The following ABR variants were observed in gnomAD, a reference collection of about 807,000 sequenced individuals.
The protein encoded by ABR is ABR activator of RhoGEF and GTPase.
ABR carries 35 observed loss-of-function variants against 107.2 expected under a neutral mutation model. The observed-to-expected ratio is 0.33, with a 90% CI of 0.25 to 0.43. The LOEUF (loss-of-function observed/expected upper bound fraction) is 0.43, where lower values mean the gene tolerates loss of function less well. Ranked by LOEUF, ABR falls within the 20% of genes least tolerant of loss-of-function variation. The pLI, the probability that ABR is intolerant of heterozygous loss-of-function variation, is 1.00. For missense variants in ABR, 815 were observed against 1,115.2 expected (o/e 0.73, Z 3.83); for synonymous variants, 498 against 462.0 (o/e 1.08, Z -1.00).
intron 6 of ABR, among the ~76,000 whole-genome samples, chr17:1,075,057 G>A (rs1181755268): frequency 2.6e-5 from 4 of 152,250 alleles, no homozygotes; most frequent in Admixed American, 2.6e-4. Context: ...AAGAGGCTGG[G>A]AGGACGCAGG....
At chr17:1,198,620 G>T (rs2042614031) in intron 1 of ABR, among the ~76,000 whole-genome samples, 2 of 151,092 alleles carry the variant, frequency 1.3e-5, no homozygotes, top group South Asian at 4.2e-4. Context: ...GTACACCTGT[G>T]ATCCCAGCTA....
In ABR at chr17:1,179,753, C is replaced by G. The variant is rs570377569; in HGVS notation, c.-26G>C. On this transcript the variant is annotated 5_prime_UTR_variant, in exon 1 of 23. Transcript: ENST00000302538. The surrounding 1 kb of genome is among the most constrained non-coding windows in gnomAD (Gnocchi z 4.9). ...CCCGCGGCGGCGGCTCGGTCAGATC[C>G]GAAACCCGACCCTCATCGCGCAACA... The G allele has an allele frequency of 3.4e-6, 5 of 1,470,812 alleles. No homozygotes were observed. Among genetic ancestry groups the G allele is most frequent in the African/African-American group, 2.9e-5 (2 of 68,532 alleles). The allele number at this position is 1,470,812 out of a possible 1,614,324, so 91.1% of individuals were successfully genotyped here.
intron 1 of ABR, among the ~76,000 whole-genome samples, chr17:1,165,206 C>A (rs1213747045): frequency 3.9e-5 from 6 of 152,264 alleles, no homozygotes; most frequent in Non-Finnish European, 8.8e-5. Context: ...GGCCACAGAA[C>A]CGGGCCCTGG....
chr17:1,198,185 C>G (rs902005336), intron 1 of ABR, among the ~76,000 whole-genome samples: 4 of 151,628 alleles, frequency 2.6e-5, no homozygotes, highest in Admixed American at 1.3e-4. Context: ...TCTGCTCCCC[C>G]TCCCAGAGGC....
intron 14 of ABR, among the ~76,000 whole-genome samples, chr17:1,054,552 C>G (rs76864561): frequency 3.8e-5 from 1 of 26,420 alleles, no homozygotes; most frequent in Non-Finnish European, 7.6e-5. Flanking sequence ...CCTGAGGGGA[C>G]GGGGGCACAA....
At chr17:1,007,356 G>C in intron 21 of ABR, 44 bp from the exon 22 acceptor site, 1 of 1,609,850 alleles carries the variant, frequency 6.2e-7, no homozygotes, top group Non-Finnish European at 8.5e-7. Context: ...TTCCTCAGCA[G>C]CCACTCGGAG....
chr17:1,009,725 C>T lies in ABR; in HGVS notation c.2296G>A (p.Asp766Asn). The part of the protein sequence containing the change: ...CMMHLLRSLP[D>N]PNLITFLFLL... ...AAGAGGAAGGTGATGAGGTTGGGGT[C>T]GGGCAGGGAGCGGAGCAGGTGCATC... The change falls in exon 21 of 23, where the codon GAC becomes AAC. Residue 766 changes from aspartate (D) to asparagine (N), a missense_variant. Asp to Asn is a conservative substitution (Grantham distance 23). Transcript: ENST00000302538. 7 of 1,614,130 alleles carry T rather than the reference C, an allele frequency of 4.3e-6. No homozygotes were observed. Among genetic ancestry groups the T allele is most frequent in the Non-Finnish European group, 5.9e-6 (7 of 1,180,008 alleles).
At chr17:1,009,812 T>C in intron 20 of ABR, 28 bp from the exon 21 acceptor site, 3 of 1,599,844 alleles carry the variant, frequency 1.9e-6, no homozygotes, top group South Asian at 1.1e-5. Context: ...CAGTGTGGCG[T>C]TTGGCTCCTG....
chr17:1,012,569 G>T, intron 18 of ABR, 119 bp downstream of exon 18: 1 of 772,428 alleles, frequency 1.3e-6, no homozygotes. Flanking sequence ...TGCCACCGCC[G>T]AGCGGGGGGT....
intron 2 of ABR, among the ~76,000 whole-genome samples, chr17:1,101,741 T>C (rs1027242540): frequency 6.6e-6 from 1 of 151,798 alleles, no homozygotes; most frequent in African/African-American, 2.4e-5. Context: ...TTTCTTTTTT[T>C]TTTTTTTTTA....
chr17:1,031,644 CCGGT>C, intron 16 of ABR: 1 of 1,254,600 alleles, frequency 8.0e-7, no homozygotes, highest in Non-Finnish European at 1.0e-6. Flanking sequence ...GAGCCGGGCG[CCGGT>C]GTTGGGGGGG....
Position 1,159,536 on chromosome 17 carries a change from ACACACGGGAGAAG to A in ABR, c.61+20118_61+20130del, listed in dbSNP as rs2041191174. The stretch of plus-strand genomic sequence containing the variant: ...CAGGAGAAGTAGGAATGCGGTACTC[ACACACGGGAGAAG>A]TAGGAATGCGGTACTCACACACGGG... On this transcript the variant is annotated intron_variant, in intron 1 of 22. Transcript: ENST00000302538. Among the ~76,000 whole-genome samples, 3 of 88,808 alleles carry A rather than the reference ACACACGGGAGAAG, an allele frequency of 3.4e-5. 1 individual carries two copies. The highest frequency in any genetic ancestry group is 3.8e-4 in the South Asian group (1 of 2,624). 58.3% of individuals were successfully genotyped at this position (88,808 alleles called of 152,430 possible).
At chr17:1,089,810 A>T (rs143472743) in intron 4 of ABR, among the ~76,000 whole-genome samples, 8 of 152,100 alleles carry the variant, frequency 5.3e-5, no homozygotes, top group Non-Finnish European at 1.2e-4. Context: ...AAATACAAAA[A>T]TTAGCCGGGT....
At chr17:1,104,447 C>T (rs62067938) in intron 2 of ABR, among the ~76,000 whole-genome samples, 9,352 of 152,274 alleles carry the variant, frequency 0.061, 301 homozygotes, top group Middle Eastern at 0.11. Context: ...GCAGGGCTGG[C>T]TCTCTGGCTG....
In ABR at chr17:1,078,331, C is replaced by T. The variant is rs369725025; in HGVS notation, c.700+999G>A. Among the ~76,000 whole-genome samples, 2 of 152,104 alleles carry T rather than the reference C, an allele frequency of 1.3e-5. No homozygotes were observed. The highest frequency in any genetic ancestry group is 1.9e-4 in the East Asian group (1 of 5,166). ...ACAATACCGTGCCGCCCAGCCTCCGCGCCTCTCTCCAGAAACAAAGAAACT... is the reference window on the plus strand; with the variant it reads ...ACAATACCGTGCCGCCCAGCCTCCGTGCCTCTCTCCAGAAACAAAGAAACT... On this transcript the variant is annotated intron_variant, in intron 6 of 22. Coordinates refer to ENST00000302538, the MANE Select transcript of ABR (RefSeq NM_021962.5). This position sits in a 1 kb window ranked among gnomAD's most constrained non-coding sequence, Gnocchi z 7.5.
chr17:1,184,853 G>A (rs992390540), upstream of ABR: 26 of 152,200 alleles, frequency 1.7e-4, no homozygotes, highest in African/African-American at 5.5e-4. Context: ...TAAGTGTCAG[G>A]CACTGCTCTA....
rs1443991103 is a variant in ABR at position 1,006,034 on chromosome 17, T to C, written c.*46A>G. 4 of 1,484,110 alleles carry C rather than the reference T, an allele frequency of 2.7e-6. No homozygotes were observed. In the African/African-American group the frequency reaches 4.2e-5, roughly 16 times the overall value. The allele number at this position is 1,484,110 out of a possible 1,614,324, so 91.9% of individuals were successfully genotyped here. ...TTCAAGTCTGAGTTGGACCCCAGGCTGGAGGGGCTGGTTCCACCACCCGCC... is the reference window on the plus strand; with the variant it reads ...TTCAAGTCTGAGTTGGACCCCAGGCCGGAGGGGCTGGTTCCACCACCCGCC... On this transcript the variant is annotated 3_prime_UTR_variant, in exon 23 of 23. Coordinates refer to ENST00000302538, the MANE Select transcript of ABR (RefSeq NM_021962.5).
At chr17:1,023,082 C>T (rs2071834687) in intron 16 of ABR, among the ~76,000 whole-genome samples, 1 of 151,632 alleles carries the variant, frequency 6.6e-6, no homozygotes, top group Admixed American at 6.6e-5. Flanking sequence ...GCCGGCCCCA[C>T]GTCCACTGCA....
At chr17:1,091,320 G>A (rs1477539347) in intron 4 of ABR, among the ~76,000 whole-genome samples, 1 of 114,264 alleles carries the variant, frequency 8.8e-6, no homozygotes, top group African/African-American at 3.2e-5. Flanking sequence ...GAAAGACGGA[G>A]CACCCTCCGG....
Sources: allele counts gnomAD v4.1 joint callset (sites outside exome capture counted in the v4.1 genomes callset), GRCh38; gene constraint gnomAD v4.1.1; non-coding constraint Gnocchi (gnomAD v3.1); transcripts MANE v1.5; gene names NCBI Gene and HGNC (gene_info 2026-07-23, HGNC 2026-07-21).